Variants in KCNQ3 observed in about 807,000 individuals in gnomAD.
KCNQ3 encodes the protein potassium voltage-gated channel subfamily Q member 3.
Under a neutral mutation model 92.5 loss-of-function variants are expected in KCNQ3, and 30 were observed. That is an observed-to-expected ratio of 0.32 (90% CI 0.24 to 0.44). KCNQ3 has a LOEUF of 0.44. Among genes scored for constraint, KCNQ3 ranks in the 20% least tolerant of loss-of-function variants. KCNQ3 has a pLI of 1.00. For missense variants in KCNQ3, 913 were observed against 1,140.3 expected (o/e 0.80, Z 2.87); for synonymous variants, 450 against 468.8 (o/e 0.96, Z 0.52).
chr8:132,298,362 C>T (rs536770161), intron 1 of KCNQ3, among the ~76,000 whole-genome samples: 3 of 152,158 alleles, frequency 2.0e-5, no homozygotes, highest in African/African-American at 4.8e-5. Context: ...AACACAGAGA[C>T]GGGCCATCTA....
At chr8:132,355,926 G>A (rs1404665634) in intron 1 of KCNQ3, among the ~76,000 whole-genome samples, 1 of 152,224 alleles carries the variant, frequency 6.6e-6, no homozygotes, top group Non-Finnish European at 1.5e-5. Context: ...TTTACTCGGG[G>A]AGAGTCAAAT....
intron 1 of KCNQ3, among the ~76,000 whole-genome samples, chr8:132,421,138 T>C (rs1200485076): frequency 1.3e-5 from 2 of 152,214 alleles, no homozygotes; most frequent in Non-Finnish European, 2.9e-5. Context: ...CTAAATTTTC[T>C]GGTTAGATAA....
intron 1 of KCNQ3, among the ~76,000 whole-genome samples, chr8:132,284,914 C>T (rs1816633363): frequency 6.6e-6 from 1 of 152,246 alleles, no homozygotes; most frequent in Admixed American, 6.5e-5. Flanking sequence ...GCTCTCTTTG[C>T]ATGCACTTGC....
chr8:132,446,589 C>A (rs1267021930), intron 1 of KCNQ3, among the ~76,000 whole-genome samples: 3 of 152,146 alleles, frequency 2.0e-5, no homozygotes, highest in Non-Finnish European at 2.9e-5. Context: ...AGCAAGGCAA[C>A]CAGGATGAGT....
intron 1 of KCNQ3, among the ~76,000 whole-genome samples, chr8:132,372,712 G>A (rs370610026): frequency 5.4e-5 from 7 of 129,204 alleles, no homozygotes; most frequent in African/African-American, 1.4e-4. Flanking sequence ...AGCCAAGATC[G>A]TGCCATTGCA....
intron 1 of KCNQ3, among the ~76,000 whole-genome samples, chr8:132,383,664 C>T (rs961609625): frequency 1.3e-5 from 2 of 152,170 alleles, no homozygotes; most frequent in Non-Finnish European, 2.9e-5. Flanking sequence ...CCTCAGCAGC[C>T]GAAGCAGTGC....
chr8:132,244,142 T>C (rs1370092536), intron 1 of KCNQ3, among the ~76,000 whole-genome samples: 1 of 152,228 alleles, frequency 6.6e-6, no homozygotes, highest in Non-Finnish European at 1.5e-5. Flanking sequence ...TTCAGAGTTC[T>C]GAAACTTTAT....
At position 132,301,681 on chromosome 8, in the gene KCNQ3, C is replaced by T. The variant is rs1272785511; in HGVS notation, c.387-115500G>A. Among the ~76,000 whole-genome samples the T allele has an allele frequency of 2.6e-5, 4 of 152,154 alleles. No individual in the cohort carries two copies. The East Asian group carries it at 7.8e-4, about 30-fold the overall frequency. On this transcript the variant is annotated intron_variant, in intron 1 of 14. Coordinates refer to ENST00000388996, the MANE Select transcript of KCNQ3 (RefSeq NM_004519.4). ...GATGAAGGAACCTAAGATGATCCCCCAGATTCTGCCCTGAGAATTGGATGG... is the reference window on the plus strand; with the variant it reads ...GATGAAGGAACCTAAGATGATCCCCTAGATTCTGCCCTGAGAATTGGATGG...
At chr8:132,353,744 G>A (rs916973900) in intron 1 of KCNQ3, among the ~76,000 whole-genome samples, 3 of 152,084 alleles carry the variant, frequency 2.0e-5, no homozygotes, top group African/African-American at 4.8e-5. Flanking sequence ...AGCCTGGGAG[G>A]TGGATGTTGC....
intron 1 of KCNQ3, among the ~76,000 whole-genome samples, chr8:132,187,855 ATGGTGG>A (rs1362445019): frequency 1.4e-5 from 1 of 69,826 alleles, no homozygotes; most frequent in Non-Finnish European, 2.9e-5. Context: ...GGTGGTAGTG[ATGGTGG>A]TGGTGGTGGT....
intron 1 of KCNQ3, among the ~76,000 whole-genome samples, chr8:132,401,745 C>A (rs943578057): frequency 8.5e-5 from 13 of 152,150 alleles, no homozygotes; most frequent in Admixed American, 3.3e-4. Context: ...TTTGACATAC[C>A]ACCCTCTGCC....
rs1817743438 is a variant in KCNQ3, at chr8:132,316,382, T to C, written c.387-130201A>G. 2.0e-5 allele frequency among the ~76,000 whole-genome samples: 3 copies of C among 152,336 alleles called. 1 individual carries two copies. Among genetic ancestry groups the C allele is most frequent in the South Asian group, 4.1e-4 (2 of 4,834 alleles). On this transcript the variant is annotated intron_variant, in intron 1 of 14. Transcript: ENST00000388996. ...GAAGAATAAAGTCCCTAAAGCCAGATAGACCCGGTTAGAATACTGGCTCTG... is the reference window on the plus strand; with the variant it reads ...GAAGAATAAAGTCCCTAAAGCCAGACAGACCCGGTTAGAATACTGGCTCTG...
chr8:132,163,739 A>G (rs1229423124), intron 8 of KCNQ3, among the ~76,000 whole-genome samples: 1 of 152,130 alleles, frequency 6.6e-6, no homozygotes, highest in African/African-American at 2.4e-5. Flanking sequence ...TCATTCATTT[A>G]TTCATCCAGA....
intron 9 of KCNQ3, 102 bp from the exon 10 acceptor site, chr8:132,141,433 T>C: frequency 2.0e-6 from 2 of 1,007,870 alleles, no homozygotes; most frequent in Non-Finnish European, 3.0e-6. Flanking sequence ...CAAGGAGAAA[T>C]GGGGACCGTG....
At chr8:132,140,653 T>TG in intron 10 of KCNQ3, 1 of 246,484 alleles carries the variant, frequency 4.1e-6, no homozygotes, top group Non-Finnish European at 8.0e-6. Context: ...AGGGCCTGGG[T>TG]GGGCTCAGAC....
In KCNQ3 at chr8:132,287,890, T is replaced by G. The variant is rs535950869; in HGVS notation, c.387-101709A>C. ...GGTGATGGTTGCACAACATTATGCA[T>G]GTAGTGCCACTGAAATGTACACTAT... is the stretch of plus-strand genomic sequence containing the variant. On this transcript the variant is annotated intron_variant, in intron 1 of 14. Transcript: ENST00000388996. Among the ~76,000 whole-genome samples the G allele has an allele frequency of 7.9e-5, 12 of 152,308 alleles. No homozygotes were observed. The South Asian group carries it at 2.5e-3, about 32-fold the overall frequency.
chr8:132,137,819 A>C (rs1331086964), intron 12 of KCNQ3, 66 bp downstream of exon 12: 1 of 1,573,024 alleles, frequency 6.4e-7, no homozygotes, highest in Non-Finnish European at 8.7e-7. Flanking sequence ...AATACCTCTC[A>C]CCTTAAACTC....
At chr8:132,422,373 T>C (rs576563420) in intron 1 of KCNQ3, among the ~76,000 whole-genome samples, 2 of 152,130 alleles carry the variant, frequency 1.3e-5, no homozygotes. Flanking sequence ...GCTGACCTGG[T>C]TCCCCACTAA....
chr8:132,468,718 A>G (rs1260346790), intron 1 of KCNQ3, among the ~76,000 whole-genome samples: 1 of 152,170 alleles, frequency 6.6e-6, no homozygotes, highest in Non-Finnish European at 1.5e-5. Context: ...AGTGCAGATA[A>G]TTTTACATGA....
Sources: allele counts gnomAD v4.1 joint callset (sites outside exome capture counted in the v4.1 genomes callset), GRCh38; gene constraint gnomAD v4.1.1; transcripts MANE v1.5; gene names NCBI Gene and HGNC (gene_info 2026-07-23, HGNC 2026-07-21).